Variants in TRIOBP observed in about 807,000 individuals in gnomAD.
TRIOBP encodes TRIO and F-actin binding protein, also known as TRIO and F-actin-binding protein.
A neutral mutation model predicts 238.8 loss-of-function variants in TRIOBP; 169 were observed. The ratio of observed to expected loss-of-function variants is 0.71; its 90% CI spans 0.62 to 0.80. The LOEUF is 0.80. TRIOBP is among the 30% of genes least tolerant of loss of function. The probability of loss-of-function intolerance (pLI) is 0.00; values close to 1 mark genes in which losing one functional copy is unlikely to be tolerated. For synonymous variants in TRIOBP, 1,150 were observed against 1,274.4 expected (o/e 0.90, Z 2.08); for missense variants, 2,838 against 3,122.6 (o/e 0.91, Z 2.17).
At chr22:37,715,588 C>T (rs1923469565) in intron 5 of TRIOBP, among the ~76,000 whole-genome samples, 175 bp from the exon 6 acceptor site, 1 of 152,076 alleles carries the variant, frequency 6.6e-6, no homozygotes, top group South Asian at 2.1e-4. Flanking sequence ...CGTGATCCAC[C>T]CACCTCGTCC....
intron 10 of TRIOBP, among the ~76,000 whole-genome samples, chr22:37,740,361 A>C (rs1167057165): frequency 6.6e-6 from 1 of 152,168 alleles, no homozygotes. Context: ...TCCACAACTC[A>C]TTCCCTTTGC....
chr22:37,733,069 C>T (rs936235047), intron 7 of TRIOBP, among the ~76,000 whole-genome samples: 16 of 152,224 alleles, frequency 1.1e-4, no homozygotes, highest in African/African-American at 3.6e-4. Flanking sequence ...CCACTTTTCT[C>T]GTCATGTTCG....
rs1923486339 is a variant in TRIOBP, at chr22:37,715,835, A to C, written c.529A>C (p.Arg177=). The C allele has an allele frequency of 2.5e-6, 4 of 1,613,936 alleles. No homozygotes were observed. The highest frequency in any genetic ancestry group is 2.7e-5 in the African/African-American group (2 of 74,910). ...CGAGCTCGCAGTGATGATCCCGAGG[A>C]GGCCTCGGGAGGGGCCGAGAGCTGA... ...WDELAVMIPR[R]PREGPRADSS... Residue 177 remains arginine (R), a synonymous_variant, in exon 6 of 24, where the codon AGG becomes CGG. Coordinates refer to ENST00000644935, the MANE Select transcript of TRIOBP (RefSeq NM_001039141.3).
intron 6 of TRIOBP, among the ~76,000 whole-genome samples, chr22:37,717,369 C>T (rs189506303): frequency 5.3e-5 from 8 of 152,282 alleles, no homozygotes; most frequent in African/African-American, 1.9e-4. Flanking sequence ...GGAAGAGGAC[C>T]CGAGCGGGTT....
intron 16 of TRIOBP, among the ~76,000 whole-genome samples, 186 bp downstream of exon 16, chr22:37,758,324 T>C (rs1926055644): frequency 6.6e-6 from 1 of 152,160 alleles, no homozygotes; most frequent in Admixed American, 6.5e-5. Flanking sequence ...GTAGTTTGGT[T>C]TGGTTTTGTT....
intron 9 of TRIOBP, among the ~76,000 whole-genome samples, chr22:37,737,751 G>A (rs1179417562): frequency 1.3e-5 from 2 of 151,890 alleles, no homozygotes; most frequent in East Asian, 3.9e-4. Context: ...TGCTGAGCTG[G>A]CTGCAGGGCC....
chr22:37,718,843 GTTTTTT>G (rs71195044), intron 6 of TRIOBP, among the ~76,000 whole-genome samples: 1 of 103,354 alleles, frequency 9.7e-6, no homozygotes, highest in Non-Finnish European at 2.0e-5. Context: ...ACTGGGGCTT[GTTTTTT>G]TTTTTTTTTT....
At chr22:37,759,938 T>C (rs1162635591) in intron 17 of TRIOBP, 2 of 250,398 alleles carry the variant, frequency 8.0e-6, no homozygotes, top group East Asian at 1.2e-4. Flanking sequence ...AATAAAAATA[T>C]ATAATTTTAT....
rs562333465 is a variant in TRIOBP at position 37,757,913 on chromosome 22, G to A, written c.5988G>A (p.Arg1996=). The change falls in exon 16 of 24, where the codon AGG becomes AGA. Residue 1996 remains arginine (R), a synonymous_variant. Transcript: ENST00000644935. ...RRKWFEATDS[R]TPEVPAGEGP... ...AGTGGTTTGAGGCCACAGACAGCAG[G>A]ACCCCAGAGGTGCCTGCTGGTGAGG... 5 of 1,553,860 alleles carry A rather than the reference G, an allele frequency of 3.2e-6. No homozygotes were observed. In the Admixed American group the frequency reaches 7.8e-5, roughly 24 times the overall value.
intron 21 of TRIOBP, 48 bp downstream of exon 21, chr22:37,769,423 G>A (rs778486513): frequency 8.0e-6 from 12 of 1,493,886 alleles, no homozygotes; most frequent in African/African-American, 2.8e-5. Flanking sequence ...CTCGGGGCCC[G>A]GGGCTATGGG....
At chr22:37,762,232 TA>T (rs972146084) in intron 17 of TRIOBP, among the ~76,000 whole-genome samples, 32 of 152,072 alleles carry the variant, frequency 2.1e-4, no homozygotes, top group African/African-American at 7.0e-4. Flanking sequence ...CCTGGCTAAT[TA>T]AAAAAATTTT....
intron 18 of TRIOBP, among the ~76,000 whole-genome samples, chr22:37,767,105 G>A (rs1189564588): frequency 1.3e-5 from 2 of 152,104 alleles, no homozygotes; most frequent in African/African-American, 4.8e-5. Context: ...ACAAAAATTA[G>A]CCATGCGCGG....
In TRIOBP at chr22:37,735,193, C is replaced by T. The variant is rs762256236; in HGVS notation, c.4857C>T (p.Asn1619=). ...CAGAGCTGGGTCCCCCAGGCACAAA[C>T]GATGTCCCTGAGCAGGAGTCACACA... ...LGPELGPPGT[N]DVPEQESHSQ... is the part of the protein sequence containing the mutation. Residue 1619 remains asparagine, a synonymous_variant, in exon 9 of 24, where the codon AAC becomes AAT. Coordinates refer to ENST00000644935, the MANE Select transcript of TRIOBP (RefSeq NM_001039141.3). 1.4e-5 allele frequency: 22 copies of T among 1,609,600 alleles called. No individual in the cohort carries two copies. Among genetic ancestry groups the T allele is most frequent in the African/African-American group, 6.7e-5 (5 of 74,932 alleles).
chr22:37,719,989 C>CACACTGCACTCACTGTTTAACTCAT (rs367687004), intron 6 of TRIOBP, among the ~76,000 whole-genome samples: 2 of 71,270 alleles, frequency 2.8e-5, no homozygotes, highest in South Asian at 6.2e-4. Flanking sequence ...TTTCACTCAT[C>CACACTGCACTCACTGTTTAACTCAT]CCCCCCCGCC....
intron 15 of TRIOBP, among the ~76,000 whole-genome samples, chr22:37,756,953 A>T (rs994931883): frequency 6.6e-6 from 1 of 152,102 alleles, no homozygotes; most frequent in Non-Finnish European, 1.5e-5. Flanking sequence ...CACCTCATTG[A>T]TCACCATTTG....
intron 16 of TRIOBP, among the ~76,000 whole-genome samples, chr22:37,758,356 C>G (rs1241441417): frequency 6.6e-6 from 1 of 152,116 alleles, no homozygotes; most frequent in Admixed American, 6.5e-5. Flanking sequence ...TAGTTCTGCC[C>G]TTAGCAGCCA....
chr22:37,765,761 G>A lies in TRIOBP; in HGVS notation c.6416G>A (p.Arg2139His), dbSNP rs1483814560. The change falls in exon 18 of 24, where the codon CGC becomes CAC. Residue 2139 changes from arginine (R) to histidine (H), a missense_variant. Around this residue, in one of 5 missense-constraint regions of TRIOBP, gnomAD observed 2,096 missense variants for 2,137.4 expected, o/e 0.98. Coordinates refer to ENST00000644935, the MANE Select transcript of TRIOBP (RefSeq NM_001039141.3). ...CGGCACCACGAGCGGGAGCTGCAGC[G>A]CCTGCAGCAGGAGAAGGAGTGGCTC... ...LQRHHERELQRLQQEKEWLLA... is the reference protein window; with the variant it reads ...LQRHHERELQHLQQEKEWLLA... 6.3e-6 allele frequency: 10 copies of A among 1,583,086 alleles called. No individual in the cohort carries two copies. Among genetic ancestry groups the A allele is most frequent in the African/African-American group, 2.7e-5 (2 of 74,298 alleles).
chr22:37,704,191 T>C lies in TRIOBP; in HGVS notation c.114+2712T>C, dbSNP rs1922804611. Among the ~76,000 whole-genome samples, 5 of 152,132 alleles carry C rather than the reference T, an allele frequency of 3.3e-5. No homozygotes were observed. In the South Asian group the frequency reaches 1.0e-3, roughly 32 times the overall value. On this transcript the variant is annotated intron_variant, in intron 3 of 23. Coordinates refer to ENST00000644935, the MANE Select transcript of TRIOBP (RefSeq NM_001039141.3). ...GATCACTTGGAGTTTGAGACCATCC[T>C]GGCAACATGGCAAAACCCCATCTCT...
At chr22:37,765,911 A>T (rs898785310) in intron 18 of TRIOBP, 94 bp downstream of exon 18, 2 of 1,452,260 alleles carry the variant, frequency 1.4e-6, no homozygotes, top group Admixed American at 2.2e-5. Flanking sequence ...ATCAAATAAG[A>T]TGTAGGGGTC....
Sources: gnomAD v4.1 joint callset for allele counts (sites outside exome capture counted in the v4.1 genomes callset) on GRCh38, gnomAD v4.1.1 for gene constraint, gnomAD v4.1.1 regional missense constraint, MANE v1.5 for transcripts, NCBI Gene and HGNC (gene_info 2026-07-23, HGNC 2026-07-21) for gene names.